Variants in PTPRU observed in about 807,000 individuals in gnomAD.
PTPRU encodes the protein protein tyrosine phosphatase receptor type U.
A neutral mutation model predicts 166.3 loss-of-function variants in PTPRU; 69 were observed. That is an observed-to-expected ratio of 0.41 (90% CI 0.34 to 0.51). The LOEUF (loss-of-function observed/expected upper bound fraction) is 0.51. Among genes scored for constraint, PTPRU ranks in the 20% least tolerant of loss-of-function variants. The pLI is 0.09. For missense variants in PTPRU, 1,657 were observed against 2,013.7 expected (o/e 0.82, Z 3.39); for synonymous variants, 793 against 814.0 (o/e 0.97, Z 0.44).
At position 29,317,808 on chromosome 1, in the gene PTPRU, C is replaced by T. The variant is rs112916671; in HGVS notation, c.3574C>T (p.Arg1192Trp). 1.4e-4 allele frequency: 221 copies of T among 1,613,338 alleles called. 2 individuals are homozygous for T. The highest frequency in any genetic ancestry group is 1.2e-3 in the Middle Eastern group (7 of 6,062). ...VEECSIALLP[R>W]NRDKNRSMDV... is the part of the protein sequence containing the mutation. ...GGAGTGCAGCATCGCCCTGTTGCCC[C>T]GGAACCGCGACAAGAACCGCAGCAT... Residue 1192 changes from arginine to tryptophan, a missense_variant, in exon 25 of 30, where the codon CGG becomes TGG. Physicochemically the swap from Arg to Trp is moderately radical, Grantham distance 101 (BLOSUM62 -3). Transcript: ENST00000373779. The surrounding 1 kb of genome is among the most constrained non-coding windows in gnomAD (Gnocchi z 5.6).
intron 25 of PTPRU, among the ~76,000 whole-genome samples, chr1:29,319,942 C>T (rs932162350): frequency 1.3e-5 from 2 of 152,078 alleles, no homozygotes; most frequent in Non-Finnish European, 2.9e-5. Context: ...CCTGGCAGGA[C>T]GAGGGAGCAG....
At chr1:29,262,513 A>C (rs1209588691) in intron 7 of PTPRU, among the ~76,000 whole-genome samples, 1 of 152,174 alleles carries the variant, frequency 6.6e-6, no homozygotes, top group Non-Finnish European at 1.5e-5. Context: ...AACTTTTATT[A>C]TAGTGTGGTG....
chr1:29,311,583 G>A lies in PTPRU; in HGVS notation c.2955+30G>A, dbSNP rs748828693. 3.5e-5 allele frequency: 57 copies of A among 1,613,912 alleles called. No homozygotes were observed. The highest frequency in any genetic ancestry group is 1.0e-4 in the Admixed American group (6 of 60,016). ...GCCGGGCTGTGGGGCGAGCTGGGGC[G>A]CATGGCAGGCCAAGGGGGCAGCAAA... On this transcript the variant is annotated intron_variant, in intron 20 of 29. Transcript: ENST00000373779. The surrounding 1 kb of genome is among the most constrained non-coding windows in gnomAD (Gnocchi z 4.1).
chr1:29,309,617 A>G (rs1687557006), intron 18 of PTPRU, among the ~76,000 whole-genome samples: 1 of 152,250 alleles, frequency 6.6e-6, no homozygotes, highest in South Asian at 2.1e-4. Flanking sequence ...GACATTTAAC[A>G]TACTACTTTA....
chr1:29,265,506 GC>G (rs1685261872), intron 7 of PTPRU, among the ~76,000 whole-genome samples: 1 of 151,924 alleles, frequency 6.6e-6, no homozygotes, highest in Non-Finnish European at 1.5e-5. Context: ...GGGATTACAG[GC>G]ACACACCACC....
In PTPRU at chr1:29,320,942, T is replaced by G; in HGVS notation, c.3828+117T>G. The G allele has an allele frequency of 8.2e-7, 1 of 1,217,318 alleles. No homozygotes were observed. Among genetic ancestry groups the G allele is most frequent in the South Asian group, 2.0e-5 (1 of 49,726 alleles). The allele number at this position is 1,217,318 out of a possible 1,614,324, so 75.4% of individuals were successfully genotyped here. On this transcript the variant is annotated intron_variant, in intron 26 of 29. Coordinates refer to ENST00000373779, the MANE Select transcript of PTPRU (RefSeq NM_133178.4). The surrounding 1 kb of genome is among the most constrained non-coding windows in gnomAD (Gnocchi z 5.2). ...CCAGCTCTGCCATCTATTTATTGTG[T>G]GATGAATCATACACCTTCCCAGAGC... is the stretch of plus-strand genomic sequence containing the variant.
intron 18 of PTPRU, among the ~76,000 whole-genome samples, chr1:29,306,343 G>A (rs1184694896): frequency 1.3e-5 from 2 of 152,214 alleles, no homozygotes; most frequent in Non-Finnish European, 1.5e-5. Context: ...AATCACGTAT[G>A]AAATATATTT....
At chr1:29,252,590 C>G (rs1316985416) in intron 1 of PTPRU, among the ~76,000 whole-genome samples, 7 of 152,128 alleles carry the variant, frequency 4.6e-5, no homozygotes, top group African/African-American at 1.7e-4. Context: ...TCATGTGCTA[C>G]TTCACATCAT....
At chr1:29,247,070 C>T (rs2151940421) in intron 1 of PTPRU, among the ~76,000 whole-genome samples, 1 of 152,368 alleles carries the variant, frequency 6.6e-6, no homozygotes. Context: ...CTGCCCCTTT[C>T]CCATCCCCTT....
intron 26 of PTPRU, among the ~76,000 whole-genome samples, chr1:29,322,572 C>T (rs1452104559): frequency 1.3e-5 from 2 of 152,118 alleles, no homozygotes; most frequent in African/African-American, 4.8e-5. Flanking sequence ...TTGCCAGGAC[C>T]TGAGGCAAAA....
At chr1:29,254,754 G>C (rs1416737296) in intron 1 of PTPRU, among the ~76,000 whole-genome samples, 2 of 152,110 alleles carry the variant, frequency 1.3e-5, no homozygotes, top group Non-Finnish European at 2.9e-5. Flanking sequence ...AGGGCCCACT[G>C]TCTGTCCTCT....
At chr1:29,255,559 C>T (rs1304445168) in intron 2 of PTPRU, among the ~76,000 whole-genome samples, 153 bp downstream of exon 2, 3 of 152,188 alleles carry the variant, frequency 2.0e-5, no homozygotes, top group African/African-American at 4.8e-5. Context: ...ATGTGGCTTT[C>T]TCTGGACACT....
intron 7 of PTPRU, among the ~76,000 whole-genome samples, chr1:29,269,246 A>ATTTTTTTTTTTTTTT (rs1175870568): frequency 3.4e-4 from 7 of 20,588 alleles, no homozygotes; most frequent in Non-Finnish European, 5.0e-4. Flanking sequence ...ATATATATAT[A>ATTTTTTTTTTTTTTT]TTTTTTTTTT....
At chr1:29,310,457 T>C (rs1687597001) in intron 18 of PTPRU, among the ~76,000 whole-genome samples, 1 of 152,078 alleles carries the variant, frequency 6.6e-6, no homozygotes, top group Admixed American at 6.5e-5. Flanking sequence ...CTCTCCACTT[T>C]ATGGGTGGGG....
chr1:29,313,240 C>T (rs1270756701), intron 22 of PTPRU, among the ~76,000 whole-genome samples: 4 of 152,142 alleles, frequency 2.6e-5, no homozygotes, highest in African/African-American at 7.2e-5. Context: ...AGTACGCTGT[C>T]CTGGCCTGCC....
chr1:29,259,642 G>T, intron 5 of PTPRU, 78 bp downstream of exon 5: 1 of 1,388,606 alleles, frequency 7.2e-7, no homozygotes, highest in Non-Finnish European at 9.7e-7. Context: ...ACTCCCCCCA[G>T]ATTGCTGAGT....
rs1003076144 is a variant in PTPRU at position 29,238,862 on chromosome 1, T to G, written c.73+2145T>G. On this transcript the variant is annotated intron_variant, in intron 1 of 29. Transcript: ENST00000373779. This position sits in a 1 kb window ranked among gnomAD's most constrained non-coding sequence, Gnocchi z 6.1. ...CAGGAGGACTGTCAGGAACTGAAGT[T>G]TGGGAGTGAGGCCTAGAGCAGGTTA... is the stretch of plus-strand genomic sequence containing the variant. 4.6e-5 allele frequency among the ~76,000 whole-genome samples: 7 copies of G among 152,196 alleles called. No homozygotes were observed. The highest frequency in any genetic ancestry group is 8.8e-5 in the Non-Finnish European group (6 of 68,044).
chr1:29,311,436 C>T lies in PTPRU; in HGVS notation c.2858-20C>T. On this transcript the variant is annotated intron_variant, in intron 19 of 29. Transcript: ENST00000373779. The surrounding 1 kb of genome is among the most constrained non-coding windows in gnomAD (Gnocchi z 4.1). ...GGAGACCTTGTCTCAGGGACAGGCA[C>T]CCTCTGCCTGCATCCCCAGGGCCGA... 1 of 1,610,006 alleles carries T rather than the reference C, an allele frequency of 6.2e-7. No individual in the cohort carries two copies. The highest frequency in any genetic ancestry group is 8.5e-7 in the Non-Finnish European group (1 of 1,176,672).
Position 29,284,099 on chromosome 1 carries a change from G to A in PTPRU, c.2179+123G>A, listed in dbSNP as rs940927641. 12 of 1,185,730 alleles carry A rather than the reference G, an allele frequency of 1.0e-5. No individual in the cohort carries two copies. In the South Asian group the frequency reaches 1.3e-4, roughly 13 times the overall value. 73.5% of individuals were successfully genotyped at this position (1,185,730 alleles called of 1,614,324 possible). A position where few individuals can be genotyped will look rare whatever the true frequency, so the allele number is the denominator to read the frequency against. Reference sequence around the variant, plus strand: ...AGGAGGGTGGTTGGGCAGTCCTGGGGCCAGGAGGGGCTTCCTGCTGGGTTT... The same window carrying A: ...AGGAGGGTGGTTGGGCAGTCCTGGGACCAGGAGGGGCTTCCTGCTGGGTTT... On this transcript the variant is annotated intron_variant, in intron 13 of 29. Coordinates refer to ENST00000373779, the MANE Select transcript of PTPRU (RefSeq NM_133178.4).
Sources: allele counts gnomAD v4.1 joint callset (sites outside exome capture counted in the v4.1 genomes callset), GRCh38; gene constraint gnomAD v4.1.1; non-coding constraint Gnocchi (gnomAD v3.1); transcripts MANE v1.5; gene names NCBI Gene and HGNC (gene_info 2026-07-23, HGNC 2026-07-21).